STRBP: variants seen among roughly 807,000 people sequenced by gnomAD.
STRBP encodes spermatid perinuclear RNA binding protein.
A neutral mutation model predicts 80.1 loss-of-function variants in STRBP; 13 were observed. That is an observed-to-expected ratio of 0.16 (90% CI 0.11 to 0.26). The LOEUF is 0.26. Among genes scored for constraint, STRBP ranks in the 10% least tolerant of loss-of-function variants. The pLI, the probability that STRBP is intolerant of heterozygous loss-of-function variation, is 1.00. For synonymous variants in STRBP, 284 were observed against 291.2 expected, an observed-to-expected ratio of 0.98 and a Z score of 0.25; for missense variants, 485 against 815.2, an observed-to-expected ratio of 0.59 and a Z score of 4.93.
chr9:123,214,633 T>C (rs1221991487), intron 2 of STRBP, among the ~76,000 whole-genome samples: 1 of 152,170 alleles, frequency 6.6e-6, no homozygotes, highest in Non-Finnish European at 1.5e-5. Context: ...AAGAGTCAGG[T>C]CAAATGCTAC....
At chr9:123,171,900 C>A (rs189375469) in intron 5 of STRBP, among the ~76,000 whole-genome samples, 1 of 152,066 alleles carries the variant, frequency 6.6e-6, no homozygotes, top group African/African-American at 2.4e-5. Flanking sequence ...CCAGGGTAAC[C>A]CCCTTGAATA....
intron 2 of STRBP, among the ~76,000 whole-genome samples, chr9:123,221,757 T>C (rs748012931): frequency 5.9e-5 from 9 of 152,236 alleles, no homozygotes; most frequent in Non-Finnish European, 1.2e-4. Context: ...ACAAAGGTGA[T>C]GGTGCATAGC....
intron 2 of STRBP, among the ~76,000 whole-genome samples, chr9:123,214,149 C>T (rs994204137): frequency 4.0e-5 from 5 of 124,752 alleles, no homozygotes. Context: ...TATGTATACA[C>T]ACACACACAC....
chr9:123,122,142 G>T lies in STRBP; in HGVS notation c.*3455C>A. The T allele has an allele frequency of 3.4e-6, 1 of 298,266 alleles. No homozygotes were observed. Among genetic ancestry groups the T allele is most frequent in the Non-Finnish European group, 6.2e-6 (1 of 160,824 alleles). The allele number at this position is 298,266 out of a possible 1,614,324, so 18.5% of individuals were successfully genotyped here. On this transcript the variant is annotated 3_prime_UTR_variant, in exon 19 of 19. Transcript: ENST00000348403. Reference sequence around the variant, plus strand: ...TCATATATGATTGTCATATATGCATGTTGTCTTAATTGACTATTTTTCTCT... The same window carrying T: ...TCATATATGATTGTCATATATGCATTTTGTCTTAATTGACTATTTTTCTCT...
chr9:123,114,095 G>C (rs535161159), intron 3 of STRBP: 33 of 167,214 alleles, frequency 2.0e-4, no homozygotes, highest in African/African-American at 7.5e-4. Flanking sequence ...TTGCAGCTAA[G>C]AGACACCTGG....
intron 5 of STRBP, among the ~76,000 whole-genome samples, chr9:123,171,491 G>A (rs566311385): frequency 3.9e-5 from 6 of 152,242 alleles, no homozygotes; most frequent in African/African-American, 7.2e-5. Flanking sequence ...CAGGAGGGGC[G>A]GAGGGTGCTC....
At chr9:123,166,275 C>T (rs866938040) in intron 6 of STRBP, among the ~76,000 whole-genome samples, 3 of 152,276 alleles carry the variant, frequency 2.0e-5, no homozygotes, top group East Asian at 1.9e-4. Flanking sequence ...TTCACTGTTA[C>T]GGCAGTTTGA....
chr9:123,205,619 A>C (rs1033102150), intron 2 of STRBP, among the ~76,000 whole-genome samples: 14 of 152,248 alleles, frequency 9.2e-5, no homozygotes, highest in Admixed American at 3.9e-4. Context: ...TACAAAAAGA[A>C]ATACATAGAT....
chr9:123,233,020 T>C (rs2040440553), intron 2 of STRBP, among the ~76,000 whole-genome samples: 1 of 152,244 alleles, frequency 6.6e-6, no homozygotes, highest in Admixed American at 6.5e-5. Context: ...AGATGCTCAA[T>C]TAATGACTGT....
rs1216429936 is a variant in STRBP, at chr9:123,147,834, T to A, written c.1082A>T (p.Asp361Val). 1 of 1,612,970 alleles carries A rather than the reference T, an allele frequency of 6.2e-7. No homozygotes were observed. Among genetic ancestry groups the A allele is most frequent in the Non-Finnish European group, 8.5e-7 (1 of 1,179,568 alleles). The part of the protein sequence containing the change: ...GSSALKRPFE[D>V]GLGDDKDPNK... ...GGGGTCTTTATCATCCCCTAATCCA[T>A]CTTCAAATGGCCTCTTTAGAGCTGA... Residue 361 changes from aspartate to valine, a missense_variant, in exon 12 of 19, where the codon GAT (aspartate) becomes GTT (valine). Physicochemically the swap from Asp to Val is radical, Grantham distance 152. Coordinates refer to ENST00000348403, the MANE Select transcript of STRBP (RefSeq NM_018387.5).
intron 13 of STRBP, among the ~76,000 whole-genome samples, chr9:123,142,993 G>A (rs944722312): frequency 6.6e-6 from 1 of 152,164 alleles, no homozygotes; most frequent in African/African-American, 2.4e-5. Context: ...AGAGGGCAGA[G>A]GTTAGGAAAG....
chr9:123,132,502 C>T (rs2036176752), intron 17 of STRBP, among the ~76,000 whole-genome samples: 2 of 152,064 alleles, frequency 1.3e-5, no homozygotes, highest in African/African-American at 4.8e-5. Flanking sequence ...AGCAGTTTTT[C>T]TCTCCTGTTA....
chr9:123,251,389 C>G (rs957049180), intron 1 of STRBP, among the ~76,000 whole-genome samples: 8 of 152,140 alleles, frequency 5.3e-5, no homozygotes, highest in Non-Finnish European at 8.8e-5. Context: ...AAGCAGGAAA[C>G]TAACTCAGAT....
At chr9:123,112,176 A>G in intron 3 of STRBP, 1 of 166,734 alleles carries the variant, frequency 6.0e-6, no homozygotes. Flanking sequence ...GCCCCGTGAA[A>G]GGGAGTCACA....
In STRBP at chr9:123,124,875, C is replaced by G. The variant is rs920686253; in HGVS notation, c.*722G>C. 2 of 985,350 alleles carry G rather than the reference C, an allele frequency of 2.0e-6. No individual in the cohort carries two copies. Among genetic ancestry groups the G allele is most frequent in the African/African-American group, 3.5e-5 (2 of 57,224 alleles). 61.0% of individuals were successfully genotyped at this position (985,350 alleles called of 1,614,324 possible). The stretch of plus-strand genomic sequence containing the variant: ...GGATGGCCCTTGTACAACAGGAGTA[C>G]AAAGGGCTTACAAAGTGAGTAGACT... On this transcript the variant is annotated 3_prime_UTR_variant, in exon 19 of 19. Coordinates refer to ENST00000348403, the MANE Select transcript of STRBP (RefSeq NM_018387.5).
At position 123,122,354 on chromosome 9, in the gene STRBP, GT is replaced by G; in HGVS notation, c.*3242del. On this transcript the variant is annotated 3_prime_UTR_variant, in exon 19 of 19. Coordinates refer to ENST00000348403, the MANE Select transcript of STRBP (RefSeq NM_018387.5). ...GAAATACACAGAGGGTCCAACACCA[GT>G]TTTAAAAATACATTAACGAGGTATT... is the stretch of plus-strand genomic sequence containing the variant. 6.2e-6 allele frequency: 8 copies of G among 1,285,180 alleles called. No individual in the cohort carries two copies. Among genetic ancestry groups the G allele is most frequent in the Non-Finnish European group, 8.1e-6 (8 of 987,804 alleles). 79.6% of individuals were successfully genotyped at this position (1,285,180 alleles called of 1,614,324 possible). A position where few individuals can be genotyped will look rare whatever the true frequency, so the allele number is the denominator to read the frequency against.
At chr9:123,116,291 C>T (rs146451329) in intron 2 of STRBP, among the ~76,000 whole-genome samples, 38 of 152,258 alleles carry the variant, frequency 2.5e-4, no homozygotes, top group Non-Finnish European at 4.1e-4. Context: ...GTGGATGAGG[C>T]GGAACATAAA....
At chr9:123,197,595 C>T (rs1264790583) in intron 2 of STRBP, among the ~76,000 whole-genome samples, 1 of 149,314 alleles carries the variant, frequency 6.7e-6, no homozygotes, top group Non-Finnish European at 1.5e-5. Flanking sequence ...CATAGCTTGG[C>T]TTTCCACTCC....
chr9:123,171,996 A>G (rs2038031143), intron 5 of STRBP, among the ~76,000 whole-genome samples: 1 of 152,354 alleles, frequency 6.6e-6, no homozygotes, highest in East Asian at 1.9e-4. Flanking sequence ...TGGAGTTTAC[A>G]AAGTTGTGAT....
Sources: allele counts gnomAD v4.1 joint callset (sites outside exome capture counted in the v4.1 genomes callset), GRCh38; gene constraint gnomAD v4.1.1; transcripts MANE v1.5; gene names NCBI Gene and HGNC (gene_info 2026-07-23, HGNC 2026-07-21).